The following ZNF367 variants were observed in gnomAD, a reference collection of about 807,000 sequenced individuals.
ZNF367 encodes the protein zinc finger protein 367.
ZNF367 carries 11 observed loss-of-function variants against 31.8 expected under a neutral mutation model. The ratio of observed to expected loss-of-function variants is 0.35; its 90% CI spans 0.22 to 0.57. The LOEUF (loss-of-function observed/expected upper bound fraction) is 0.57. ZNF367 is among the 20% of genes least tolerant of loss of function. ZNF367 has a pLI of 0.85. For missense variants in ZNF367, 353 were observed against 484.1 expected (o/e 0.73, Z 2.54); for synonymous variants, 199 against 202.4 (o/e 0.98, Z 0.14).
chr9:96,402,427 C>T (rs1831616011), intron 1 of ZNF367, among the ~76,000 whole-genome samples: 1 of 149,362 alleles, frequency 6.7e-6, no homozygotes, highest in Non-Finnish European at 1.5e-5. Flanking sequence ...TACCCTACTT[C>T]CTTTACTTCT....
At position 96,395,060 on chromosome 9, in the gene ZNF367, T is replaced by C. The variant is rs565036543; in HGVS notation, c.572-118A>G. ...CTCCCAATAACAATAAAACATGTCA[T>C]GGCCCCTACTGAGCTGCAGGTGGAA... On this transcript the variant is annotated intron_variant, in intron 2 of 4. Coordinates refer to ENST00000375256, the MANE Select transcript of ZNF367 (RefSeq NM_153695.4). 30 of 1,098,538 alleles carry C rather than the reference T, an allele frequency of 2.7e-5. No homozygotes were observed. The East Asian group carries it at 4.3e-4, about 16-fold the overall frequency. 68.0% of individuals were successfully genotyped at this position (1,098,538 alleles called of 1,614,324 possible). A position where few individuals can be genotyped will look rare whatever the true frequency, so the allele number is the denominator to read the frequency against.
Position 96,417,902 on chromosome 9 carries a change from C to G in ZNF367, c.131G>C (p.Cys44Ser). ...CGGCTCCGGCTCCCCTCCACCGCCG[C>G]ACGTTGGCTTGATCGGGGTCGTCCT... ...VIRTTPIKPTCGGGGEPEPPP... is the reference protein window; with the variant it reads ...VIRTTPIKPTSGGGGEPEPPP... Residue 44 changes from cysteine to serine, a missense_variant, in exon 1 of 5, where the codon TGC becomes TCC. Transcript: ENST00000375256. This position sits in a 1 kb window ranked among gnomAD's most constrained non-coding sequence, Gnocchi z 5.0. The G allele has an allele frequency of 4.6e-6, 7 of 1,525,570 alleles. No homozygotes were observed. Among genetic ancestry groups the G allele is most frequent in the Non-Finnish European group, 6.1e-6 (7 of 1,145,578 alleles). 94.5% of individuals were successfully genotyped at this position (1,525,570 alleles called of 1,614,324 possible).
chr9:96,392,157 C>T (rs1333118742), intron 4 of ZNF367: 1 of 567,950 alleles, frequency 1.8e-6, no homozygotes, highest in East Asian at 3.0e-5. Context: ...GAAAACTCTT[C>T]CTTTTAAAAT....
At chr9:96,399,541 G>A (rs1014256176) in intron 1 of ZNF367, among the ~76,000 whole-genome samples, 1 of 152,126 alleles carries the variant, frequency 6.6e-6, no homozygotes, top group Non-Finnish European at 1.5e-5. Context: ...CAAAGTGTCG[G>A]GCGTGGTAGC....
At chr9:96,391,030 A>C (rs1357667029) in intron 4 of ZNF367, among the ~76,000 whole-genome samples, 1 of 152,164 alleles carries the variant, frequency 6.6e-6, no homozygotes, top group East Asian at 1.9e-4. Context: ...GTACCCCTAG[A>C]ATTGTCCATC....
At position 96,399,721 on chromosome 9, in the gene ZNF367, C is replaced by T. The variant is rs146876319; in HGVS notation, c.421-1407G>A. On this transcript the variant is annotated intron_variant, in intron 1 of 4. Coordinates refer to ENST00000375256, the MANE Select transcript of ZNF367 (RefSeq NM_153695.4). ...TAGTCCCAGCTACTCAGGAGGCTGACGCAGGAGAATTGCTTGAACCCGAGA... is the reference window on the plus strand; with the variant it reads ...TAGTCCCAGCTACTCAGGAGGCTGATGCAGGAGAATTGCTTGAACCCGAGA... Among the ~76,000 whole-genome samples the T allele has an allele frequency of 1.1e-4, 16 of 152,086 alleles. No individual in the cohort carries two copies. The East Asian group carries it at 3.1e-3, about 29-fold the overall frequency.
intron 1 of ZNF367, among the ~76,000 whole-genome samples, chr9:96,402,415 G>C (rs990532056): frequency 6.7e-6 from 1 of 148,662 alleles, no homozygotes; most frequent in African/African-American, 2.5e-5. Flanking sequence ...TGGAGTCTTC[G>C]ATACCCTACT....
chr9:96,407,980 AAAAT>A (rs3045262), intron 1 of ZNF367, among the ~76,000 whole-genome samples: 3,472 of 148,516 alleles, frequency 0.023, 99 homozygotes, highest in African/African-American at 0.068. Flanking sequence ...AATGGAACAC[AAAAT>A]AAATAAATAA....
At chr9:96,413,706 G>T (rs1339911121) in intron 1 of ZNF367, among the ~76,000 whole-genome samples, 1 of 152,144 alleles carries the variant, frequency 6.6e-6, no homozygotes, top group Non-Finnish European at 1.5e-5. Context: ...TATGCCAACA[G>T]TGCTAAGCAC....
chr9:96,387,733 G>A lies in ZNF367; in HGVS notation c.*504C>T, dbSNP rs1046478320. The A allele has an allele frequency of 2.0e-5, 3 of 152,304 alleles. No homozygotes were observed. Among genetic ancestry groups the A allele is most frequent in the African/African-American group, 4.8e-5 (2 of 41,428 alleles). 9.4% of individuals were successfully genotyped at this position (152,304 alleles called of 1,614,324 possible). A position where few individuals can be genotyped will look rare whatever the true frequency, so the allele number is the denominator to read the frequency against. ...ATAGCCTCCCATTTCTCTAGCCTTAGTGGGCACAGTATTTTGCAATTAAAA... is the reference window on the plus strand; with the variant it reads ...ATAGCCTCCCATTTCTCTAGCCTTAATGGGCACAGTATTTTGCAATTAAAA... On this transcript the variant is annotated 3_prime_UTR_variant, in exon 5 of 5. Coordinates refer to ENST00000375256, the MANE Select transcript of ZNF367 (RefSeq NM_153695.4).
Position 96,418,355 on chromosome 9 carries a change from A to C in ZNF367, c.-323T>G, listed in dbSNP as rs549631712. ...GCGGCGCTGAGCCCCCAAAAATAAC[A>C]ACCTGCCGCCGCGGTGCCTGCCCCG... is the stretch of plus-strand genomic sequence containing the variant. On this transcript the variant is annotated 5_prime_UTR_variant, in exon 1 of 5. Coordinates refer to ENST00000375256, the MANE Select transcript of ZNF367 (RefSeq NM_153695.4). 7.5e-5 allele frequency: 24 copies of C among 322,124 alleles called. No homozygotes were observed. The Admixed American group carries it at 7.9e-4, about 11-fold the overall frequency. The allele number at this position is 322,124 out of a possible 1,614,324, so 20.0% of individuals were successfully genotyped here.
intron 1 of ZNF367, among the ~76,000 whole-genome samples, chr9:96,410,613 C>T (rs554168195): frequency 2.0e-5 from 3 of 149,404 alleles, no homozygotes; most frequent in South Asian, 4.3e-4. Context: ...CGGTGGCTCA[C>T]GCCTGTAATC....
chr9:96,417,490 G>C lies in ZNF367; in HGVS notation c.420+123C>G, dbSNP rs1461942506. On this transcript the variant is annotated intron_variant, in intron 1 of 4. Transcript: ENST00000375256. This position sits in a 1 kb window ranked among gnomAD's most constrained non-coding sequence, Gnocchi z 5.0. The stretch of plus-strand genomic sequence containing the variant: ...CGCGCGGCAGTGACGTCAGCATCCT[G>C]TCAGCCGCAGCCCCCGCCGTAGCCG... 2 of 253,732 alleles carry C rather than the reference G, an allele frequency of 7.9e-6. No homozygotes were observed. The highest frequency in any genetic ancestry group is 1.5e-5 in the Non-Finnish European group (2 of 134,078). 15.7% of individuals were successfully genotyped at this position (253,732 alleles called of 1,614,324 possible). A position where few individuals can be genotyped will look rare whatever the true frequency, so the allele number is the denominator to read the frequency against.
intron 2 of ZNF367, among the ~76,000 whole-genome samples, chr9:96,396,181 A>G (rs991605400): frequency 6.6e-6 from 1 of 152,178 alleles, no homozygotes; most frequent in Non-Finnish European, 1.5e-5. Flanking sequence ...ACAGTGAGGT[A>G]GTGGTGATCA....
chr9:96,414,224 T>C (rs1831788733), intron 1 of ZNF367, among the ~76,000 whole-genome samples: 1 of 152,212 alleles, frequency 6.6e-6, no homozygotes, highest in Non-Finnish European at 1.5e-5. Flanking sequence ...CAGACCCTTC[T>C]GTCTTACGGT....
chr9:96,415,909 C>T (rs1334499455), intron 1 of ZNF367, among the ~76,000 whole-genome samples: 1 of 151,800 alleles, frequency 6.6e-6, no homozygotes, highest in Non-Finnish European at 1.5e-5. Context: ...CTCAAGTGAT[C>T]CTCCTGCCTC....
chr9:96,414,367 C>T (rs572816518), intron 1 of ZNF367, among the ~76,000 whole-genome samples: 1 of 152,260 alleles, frequency 6.6e-6, no homozygotes, highest in Non-Finnish European at 1.5e-5. Context: ...AAGAAAAAAG[C>T]AGAAATATAA....
At position 96,388,067 on chromosome 9, in the gene ZNF367, A is replaced by G; in HGVS notation, c.*170T>C. 1 of 621,592 alleles carries G rather than the reference A, an allele frequency of 1.6e-6. No individual in the cohort carries two copies. Among genetic ancestry groups the G allele is most frequent in the Non-Finnish European group, 2.7e-6 (1 of 366,728 alleles). The allele number at this position is 621,592 out of a possible 1,614,324, so 38.5% of individuals were successfully genotyped here. A position where few individuals can be genotyped will look rare whatever the true frequency, so the allele number is the denominator to read the frequency against. On this transcript the variant is annotated 3_prime_UTR_variant, in exon 5 of 5. Transcript: ENST00000375256. The stretch of plus-strand genomic sequence containing the variant: ...TACGATGAATTCATTTCCATATTAA[A>G]AAAGTGCAGTTCTCTCTCACCCCAT...
Position 96,417,946 on chromosome 9 carries a change from C to G in ZNF367, c.87G>C (p.Arg29=), listed in dbSNP as rs747663934. The G allele has an allele frequency of 2.3e-5, 34 of 1,504,664 alleles. No individual in the cohort carries two copies. The highest frequency in any genetic ancestry group is 2.1e-5 in the Non-Finnish European group (24 of 1,133,818). The allele number at this position is 1,504,664 out of a possible 1,614,324, so 93.2% of individuals were successfully genotyped here. Residue 29 remains arginine, a synonymous_variant, in exon 1 of 5, where the codon CGG becomes CGC. Coordinates refer to ENST00000375256, the MANE Select transcript of ZNF367 (RefSeq NM_153695.4). The surrounding 1 kb of genome is among the most constrained non-coding windows in gnomAD (Gnocchi z 5.0). ...TCGTCCTGATGACCGACACCAGCAC[C>G]CGCTTCGGGGAGTCGTGGCAGAAGA... is the stretch of plus-strand genomic sequence containing the variant. ...PVIFCHDSPK[R]VLVSVIRTTP...
Sources: gnomAD v4.1 joint callset for allele counts (sites outside exome capture counted in the v4.1 genomes callset) on GRCh38, gnomAD v4.1.1 for gene constraint, Gnocchi (gnomAD v3.1) non-coding constraint, MANE v1.5 for transcripts, NCBI Gene and HGNC (gene_info 2026-07-23, HGNC 2026-07-21) for gene names.